Variants in KIAA1958 observed in about 807,000 individuals in gnomAD.
KIAA1958 encodes uncharacterized protein KIAA1958.
A neutral mutation model predicts 47.2 loss-of-function variants in KIAA1958; 14 were observed. The ratio of observed to expected loss-of-function variants is 0.30; its 90% confidence interval spans 0.20 to 0.46. The LOEUF (loss-of-function observed/expected upper bound fraction) is 0.46. KIAA1958 is among the 20% of genes least tolerant of loss of function. KIAA1958 has a pLI of 1.00. For synonymous variants in KIAA1958, 354 were observed against 353.3 expected (o/e 1.00, Z -0.02); for missense variants, 803 against 909.2 (o/e 0.88, Z 1.50).
chr9:112,619,109 C>G (rs1459326725), intron 2 of KIAA1958: 4 of 423,562 alleles, frequency 9.4e-6, no homozygotes, highest in African/African-American at 4.3e-5. Context: ...TATTTATAGG[C>G]TTAAGACAAA....
chr9:112,513,550 GCGCTGA>G (rs1392432534), intron 1 of KIAA1958, among the ~76,000 whole-genome samples: 9 of 111,354 alleles, frequency 8.1e-5, no homozygotes, highest in African/African-American at 2.8e-4. Flanking sequence ...GACAGTCGCG[GCGCTGA>G]CGCCCGCGGG....
intron 2 of KIAA1958, among the ~76,000 whole-genome samples, chr9:112,628,348 C>T (rs1395084181): frequency 2.0e-5 from 3 of 152,172 alleles, no homozygotes; most frequent in Admixed American, 6.5e-5. Context: ...AAAACTAATT[C>T]GTCAAGGTCC....
At chr9:112,573,586 G>A (rs1400164147) in intron 1 of KIAA1958, among the ~76,000 whole-genome samples, 1 of 152,126 alleles carries the variant, frequency 6.6e-6, no homozygotes, top group Non-Finnish European at 1.5e-5. Context: ...AACCTCCTTT[G>A]TTGGCTCTGC....
chr9:112,548,626 G>C (rs891713806), intron 1 of KIAA1958, among the ~76,000 whole-genome samples: 1 of 152,134 alleles, frequency 6.6e-6, no homozygotes, highest in African/African-American at 2.4e-5. Flanking sequence ...TAAGCTCTGC[G>C]AGGACAAGCA....
intron 1 of KIAA1958, among the ~76,000 whole-genome samples, chr9:112,491,725 A>G (rs1208103410): frequency 6.6e-6 from 1 of 152,136 alleles, no homozygotes; most frequent in African/African-American, 2.4e-5. Context: ...TTAATTCTAA[A>G]TAATTATCCA....
At chr9:112,623,931 G>C (rs1476300561) in intron 2 of KIAA1958, among the ~76,000 whole-genome samples, 1 of 152,168 alleles carries the variant, frequency 6.6e-6, no homozygotes, top group Non-Finnish European at 1.5e-5. Context: ...ATGTGAGACA[G>C]ACACTTCTGA....
chr9:112,559,005 C>A (rs999820355), intron 1 of KIAA1958, among the ~76,000 whole-genome samples: 1 of 152,202 alleles, frequency 6.6e-6, no homozygotes, highest in Admixed American at 6.5e-5. Flanking sequence ...TACATGCCTG[C>A]ATGTTTCATC....
intron 1 of KIAA1958, among the ~76,000 whole-genome samples, chr9:112,557,429 A>G (rs1703921972): frequency 6.6e-6 from 1 of 152,192 alleles, no homozygotes; most frequent in Admixed American, 6.5e-5. Flanking sequence ...TAAGCAGTGT[A>G]TTTGTGTAAT....
chr9:112,532,096 A>G (rs756054033), intron 1 of KIAA1958, among the ~76,000 whole-genome samples: 2 of 152,090 alleles, frequency 1.3e-5, no homozygotes, highest in Non-Finnish European at 2.9e-5. Flanking sequence ...AGCTGCTTCT[A>G]ATTTTTTTTA....
intron 2 of KIAA1958, among the ~76,000 whole-genome samples, chr9:112,606,275 T>C (rs1015917405): frequency 6.6e-6 from 1 of 152,162 alleles, no homozygotes; most frequent in Non-Finnish European, 1.5e-5. Flanking sequence ...TTGATTAGGC[T>C]TTTGGGTACA....
At chr9:112,566,791 G>T (rs972299006) in intron 1 of KIAA1958, among the ~76,000 whole-genome samples, 2 of 152,144 alleles carry the variant, frequency 1.3e-5, no homozygotes, top group Non-Finnish European at 2.9e-5. Flanking sequence ...GTGCAAAAGA[G>T]AAATGTTTTA....
intron 2 of KIAA1958, among the ~76,000 whole-genome samples, chr9:112,609,774 A>G (rs953033486): frequency 2.6e-5 from 4 of 151,858 alleles, no homozygotes; most frequent in African/African-American, 7.3e-5. Context: ...CTGATCTCCA[A>G]CTCCTGGGGT....
intron 1 of KIAA1958, among the ~76,000 whole-genome samples, chr9:112,502,019 A>G (rs966108920): frequency 2.0e-5 from 3 of 152,206 alleles, no homozygotes; most frequent in Non-Finnish European, 4.4e-5. Context: ...ACAAAATACT[A>G]TGGCAATCCA....
intron 1 of KIAA1958, among the ~76,000 whole-genome samples, chr9:112,568,491 T>C (rs1424964352): frequency 6.6e-6 from 1 of 152,150 alleles, no homozygotes; most frequent in Non-Finnish European, 1.5e-5. Flanking sequence ...TTGCAAAAAG[T>C]ACATAAAATA....
At chr9:112,509,560 A>C (rs1206867073) in intron 1 of KIAA1958, among the ~76,000 whole-genome samples, 1 of 152,240 alleles carries the variant, frequency 6.6e-6, no homozygotes, top group Non-Finnish European at 1.5e-5. Context: ...GACATTCATT[A>C]TCACCATTGT....
intron 1 of KIAA1958, among the ~76,000 whole-genome samples, chr9:112,529,434 C>T (rs376261729): frequency 7.2e-5 from 11 of 152,154 alleles, no homozygotes; most frequent in African/African-American, 2.7e-4. Flanking sequence ...ATCCACAATA[C>T]CACGTTACAT....
At chr9:112,536,519 A>G (rs1244451596) in intron 1 of KIAA1958, among the ~76,000 whole-genome samples, 1 of 152,226 alleles carries the variant, frequency 6.6e-6, no homozygotes, top group Non-Finnish European at 1.5e-5. Flanking sequence ...GTGTGCAAGG[A>G]TGGGTAAATA....
chr9:112,557,527 G>A (rs1439313208), intron 1 of KIAA1958, among the ~76,000 whole-genome samples: 1 of 152,184 alleles, frequency 6.6e-6, no homozygotes, highest in Non-Finnish European at 1.5e-5. Context: ...CAGCTACTGA[G>A]ATATTAATTA....
intron 1 of KIAA1958, among the ~76,000 whole-genome samples, chr9:112,506,603 G>C (rs567878639): frequency 6.6e-6 from 1 of 152,060 alleles, no homozygotes; most frequent in East Asian, 1.9e-4. Flanking sequence ...ACAAGGTTCC[G>C]TTACTTTTTT....
Sources: gnomAD v4.1 joint callset for allele counts (sites outside exome capture counted in the v4.1 genomes callset) on GRCh38, gnomAD v4.1.1 for gene constraint, MANE v1.5 for transcripts, NCBI Gene and HGNC (gene_info 2026-07-23, HGNC 2026-07-21) for gene names.